Variants in H6PD observed in about 807,000 individuals in gnomAD.
The protein encoded by H6PD is hexose-6-phosphate dehydrogenase/glucose 1-dehydrogenase.
H6PD carries 48 observed loss-of-function variants against 61.2 expected under a neutral mutation model. The observed-to-expected ratio is 0.78, with a 90% confidence interval of 0.62 to 1.00. H6PD has a LOEUF of 1.00. H6PD is among the 50% of genes least tolerant of loss of function. The probability of loss-of-function intolerance (pLI) is 0.00; values close to 1 mark genes in which losing one functional copy is unlikely to be tolerated. For missense variants in H6PD, 1,093 were observed against 1,065.0 expected (o/e 1.03, Z -0.37); for synonymous variants, 480 against 457.9 (o/e 1.05, Z -0.62).
chr1:9,265,392 A>G lies in H6PD; in HGVS notation c.*523A>G. 5.0e-6 allele frequency: 1 copy of G among 199,670 alleles called. No individual in the cohort carries two copies. Among genetic ancestry groups the G allele is most frequent in the Admixed American group, 5.3e-5 (1 of 18,864 alleles). The allele number at this position is 199,670 out of a possible 1,614,324, so 12.4% of individuals were successfully genotyped here. ...CATTGGGGACTGTCTTGAGACCCTGAGGGGGTCAAGCCCCTCCTTCCCCAG... is the reference window on the plus strand; with the variant it reads ...CATTGGGGACTGTCTTGAGACCCTGGGGGGGTCAAGCCCCTCCTTCCCCAG... On this transcript the variant is annotated 3_prime_UTR_variant, in exon 5 of 5. Coordinates refer to ENST00000377403, the MANE Select transcript of H6PD (RefSeq NM_004285.4).
Position 9,247,091 on chromosome 1 carries a change from A to G in H6PD, c.745+8A>G. On this transcript the variant is annotated splice_region_variant and intron_variant, in intron 3 of 4. Transcript: ENST00000377403. ...AGACCGTGGATGCTGAAGGTGTGTGAGTGGCCCTGCGCACTCGGTCCCCCA... is the reference window on the plus strand; with the variant it reads ...AGACCGTGGATGCTGAAGGTGTGTGGGTGGCCCTGCGCACTCGGTCCCCCA... 1 of 1,553,626 alleles carries G rather than the reference A, an allele frequency of 6.4e-7. No individual in the cohort carries two copies. Among genetic ancestry groups the G allele is most frequent in the Non-Finnish European group, 8.9e-7 (1 of 1,124,704 alleles).
In H6PD at chr1:9,264,448, A is replaced by T. The variant is rs1557426755; in HGVS notation, c.1955A>T (p.His652Leu). 6.2e-7 allele frequency: 1 copy of T among 1,612,992 alleles called. No homozygotes were observed. Among genetic ancestry groups the T allele is most frequent in the East Asian group, 2.2e-5 (1 of 44,868 alleles). ...QHVRIPYYNI[H>L]PMPVHLQQRL... ...GTCCGGATCCCCTACTACAACATCC[A>T]CCCCATGCCTGTGCACCTGCAGCAG... The change falls in exon 5 of 5, where the codon CAC (histidine) becomes CTC (leucine). Residue 652 changes from histidine to leucine, a missense_variant. Physicochemically the swap from His to Leu is moderately conservative, Grantham distance 99. Transcript: ENST00000377403.
intron 3 of H6PD, among the ~76,000 whole-genome samples, chr1:9,261,251 G>GC (rs1421728140): frequency 2.0e-5 from 3 of 152,022 alleles, no homozygotes; most frequent in African/African-American, 7.2e-5. Flanking sequence ...CAGCCTCTTC[G>GC]CCTTATCCTG....
At chr1:9,246,533 C>G (rs1641180845) in intron 2 of H6PD, among the ~76,000 whole-genome samples, 1 of 152,082 alleles carries the variant, frequency 6.6e-6, no homozygotes, top group Non-Finnish European at 1.5e-5. Flanking sequence ...GCCTTCCATC[C>G]CACCCTGCCT....
At chr1:9,248,060 T>C (rs895928966) in intron 3 of H6PD, among the ~76,000 whole-genome samples, 2 of 152,192 alleles carry the variant, frequency 1.3e-5, no homozygotes, top group Non-Finnish European at 2.9e-5. Context: ...GGGGCAACAG[T>C]CTGGCCCCAG....
chr1:9,264,689 C>G lies in H6PD; in HGVS notation c.2196C>G (p.Ser732Arg), dbSNP rs1436456617. The G allele has an allele frequency of 8.1e-6, 13 of 1,613,308 alleles. No homozygotes were observed. Among genetic ancestry groups the G allele is most frequent in the Non-Finnish European group, 8.5e-7 (1 of 1,180,018 alleles). Reference protein sequence around the residue: ...PSQPHRRMSLSLPLINRAKKV... With the variant: ...PSQPHRRMSLRLPLINRAKKV... ...AGCCACACCGCCGCATGAGCCTTAG[C>G]CTGCCTCTCATCAACCGCGCCAAGA... The change falls in exon 5 of 5, where the codon AGC becomes AGG. Residue 732 changes from serine (S) to arginine (R), a missense_variant. Physicochemically the swap from Ser to Arg is moderately radical, Grantham distance 110 (BLOSUM62 -1). Transcript: ENST00000377403.
intron 4 of H6PD, among the ~76,000 whole-genome samples, chr1:9,263,198 G>A (rs1217655119): frequency 1.3e-5 from 2 of 152,136 alleles, no homozygotes; most frequent in South Asian, 2.1e-4. Flanking sequence ...CCCACTGTGG[G>A]GCGTCCTTTA....
rs143104068 is a variant in H6PD at position 9,246,973 on chromosome 1, C to T, written c.635C>T (p.Ala212Val). The change falls in exon 3 of 5, where the codon GCG (alanine) becomes GTG (valine). Residue 212 changes from alanine to valine, a missense_variant. Physicochemically the swap from Ala to Val is moderately conservative, Grantham distance 64. Transcript: ENST00000377403. ...VDHYLGKQAV[A>V]QILPFRDQNR... The stretch of plus-strand genomic sequence containing the variant: ...GTCTTCCCCCCCCGACAGGCTGTGG[C>T]GCAGATCCTGCCTTTCCGAGACCAG... 966 of 1,610,974 alleles carry T rather than the reference C, an allele frequency of 6.0e-4. 1 individual carries two copies. The African/African-American group carries it at 8.8e-3, about 15-fold the overall frequency.
chr1:9,240,065 T>G (rs1235724048), intron 1 of H6PD: 1 of 1,171,450 alleles, frequency 8.5e-7, no homozygotes, highest in Admixed American at 4.2e-5. Context: ...AGGATTAGAG[T>G]TGGAGACAGT....
chr1:9,247,343 A>T lies in H6PD; in HGVS notation c.745+260A>T, dbSNP rs1490644825. The stretch of plus-strand genomic sequence containing the variant: ...GCGGGAAACCACTGGCACGCGGTAG[A>T]GGCTGGAGTCTCCCTGAGGTCCCCC... On this transcript the variant is annotated intron_variant, in intron 3 of 4. Coordinates refer to ENST00000377403, the MANE Select transcript of H6PD (RefSeq NM_004285.4). Among the ~76,000 whole-genome samples, 3 of 152,178 alleles carry T rather than the reference A, an allele frequency of 2.0e-5. No individual in the cohort carries two copies. The East Asian group carries it at 5.8e-4, about 29-fold the overall frequency.
chr1:9,260,794 T>C (rs1638242621), intron 3 of H6PD, among the ~76,000 whole-genome samples: 1 of 152,086 alleles, frequency 6.6e-6, no homozygotes, highest in African/African-American at 2.4e-5. Context: ...TTCCCTTTTA[T>C]CGTCACAGTT....
rs561253151 is a variant in H6PD, at chr1:9,269,281, C to T, written c.*4412C>T. ...GAACTGAACGCATTCCCTCTCTCCGCAACTCTCCCGTGAGGCTGCACCCGT... is the reference window on the plus strand; with the variant it reads ...GAACTGAACGCATTCCCTCTCTCCGTAACTCTCCCGTGAGGCTGCACCCGT... On this transcript the variant is annotated 3_prime_UTR_variant, in exon 5 of 5. Transcript: ENST00000377403. This position sits in a 1 kb window ranked among gnomAD's most constrained non-coding sequence, Gnocchi z 4.3. 1 of 152,384 alleles carries T rather than the reference C, an allele frequency of 6.6e-6. No individual in the cohort carries two copies. Among genetic ancestry groups the T allele is most frequent in the Non-Finnish European group, 1.5e-5 (1 of 68,162 alleles). The allele number at this position is 152,384 out of a possible 1,614,324, so 9.4% of individuals were successfully genotyped here. A position where few individuals can be genotyped will look rare whatever the true frequency, so the allele number is the denominator to read the frequency against.
intron 3 of H6PD, among the ~76,000 whole-genome samples, chr1:9,255,275 A>ATTTATTT (rs1345017660): frequency 8.8e-6 from 1 of 113,598 alleles, no homozygotes; most frequent in Non-Finnish European, 1.8e-5. Flanking sequence ...TTATTTATTT[A>ATTTATTT]TTTATTTTTT....
chr1:9,264,682 G>A lies in H6PD; in HGVS notation c.2189G>A (p.Ser730Asn), dbSNP rs772226619. The change falls in exon 5 of 5, where the codon AGC (serine) becomes AAC (asparagine). Residue 730 changes from serine (S) to asparagine (N), a missense_variant. By Grantham distance (46) the Ser-to-Asn change is conservative. Coordinates refer to ENST00000377403, the MANE Select transcript of H6PD (RefSeq NM_004285.4). ...CCCTCCCAGCCACACCGCCGCATGA[G>A]CCTTAGCCTGCCTCTCATCAACCGC... ...TSPSQPHRRM[S>N]LSLPLINRAK... 6.2e-7 allele frequency: 1 copy of A among 1,613,312 alleles called. No individual in the cohort carries two copies. Among genetic ancestry groups the A allele is most frequent in the East Asian group, 2.2e-5 (1 of 44,880 alleles).
chr1:9,243,880 A>ACG (rs1314611397), intron 1 of H6PD, among the ~76,000 whole-genome samples: 8 of 85,728 alleles, frequency 9.3e-5, no homozygotes, highest in African/African-American at 2.9e-4. Context: ...GGGCGGTGGG[A>ACG]GGGGGGGTCT....
intron 1 of H6PD, among the ~76,000 whole-genome samples, chr1:9,238,682 A>G (rs1418850286): frequency 1.3e-5 from 2 of 152,234 alleles, no homozygotes; most frequent in Non-Finnish European, 2.9e-5. Flanking sequence ...TTTTGTACAT[A>G]TTAAGTCTGG....
chr1:9,245,104 G>T lies in H6PD; in HGVS notation c.170G>T (p.Gly57Val). The change falls in exon 2 of 5, where the codon GGT (glycine) becomes GTT (valine). Residue 57 changes from glycine to valine, a missense_variant. By Grantham distance (109) the Gly-to-Val change is moderately radical. Transcript: ENST00000377403. The surrounding 1 kb of genome is among the most constrained non-coding windows in gnomAD (Gnocchi z 4.8). Reference protein sequence around the residue: ...FQLYLDEAGRGHSFSFHGAAL... With the variant: ...FQLYLDEAGRVHSFSFHGAAL... ...CTGTACCTGGATGAAGCGGGGAGGGGTCACAGTTTTAGCTTCCATGGAGCT... is the reference window on the plus strand; with the variant it reads ...CTGTACCTGGATGAAGCGGGGAGGGTTCACAGTTTTAGCTTCCATGGAGCT... 6.2e-7 allele frequency: 1 copy of T among 1,614,228 alleles called. No individual in the cohort carries two copies. Among genetic ancestry groups the T allele is most frequent in the Non-Finnish European group, 8.5e-7 (1 of 1,180,038 alleles).
intron 3 of H6PD, among the ~76,000 whole-genome samples, chr1:9,253,593 G>A (rs1032799552): frequency 1.3e-5 from 2 of 152,184 alleles, no homozygotes; most frequent in Non-Finnish European, 2.9e-5. Flanking sequence ...ATAAAACAGC[G>A]ATGCTTCCGC....
intron 3 of H6PD, among the ~76,000 whole-genome samples, chr1:9,259,129 C>T (rs1180444257): frequency 6.6e-6 from 1 of 152,190 alleles, no homozygotes; most frequent in East Asian, 1.9e-4. Flanking sequence ...GTAGCTGGGA[C>T]TACAGGCGCC....
Sources: gnomAD v4.1 joint callset for allele counts (sites outside exome capture counted in the v4.1 genomes callset) on GRCh38, gnomAD v4.1.1 for gene constraint, Gnocchi (gnomAD v3.1) non-coding constraint, MANE v1.5 for transcripts, NCBI Gene and HGNC (gene_info 2026-07-23, HGNC 2026-07-21) for gene names.